TENM2: variants seen among roughly 807,000 people sequenced by gnomAD.
The protein encoded by TENM2 is teneurin-2.
In TENM2, 52 loss-of-function variants were observed where a neutral mutation model predicts 245.2. The observed-to-expected ratio is 0.21, with a 90% confidence interval of 0.17 to 0.27. The LOEUF (loss-of-function observed/expected upper bound fraction) is 0.27. Among genes scored for constraint, TENM2 ranks in the 10% least tolerant of loss-of-function variants. TENM2 has a pLI of 1.00. For missense variants in TENM2, 3,046 were observed against 3,666.8 expected, an observed-to-expected ratio of 0.83 and a Z score of 4.37; for synonymous variants, 1,363 against 1,438.9, an observed-to-expected ratio of 0.95 and a Z score of 1.19.
At chr5:167,875,402 G>A (rs1467972421) in intron 2 of TENM2, among the ~76,000 whole-genome samples, 5 of 152,172 alleles carry the variant, frequency 3.3e-5, no homozygotes, top group Admixed American at 6.5e-5. Context: ...GTGGAAAGTC[G>A]TAAGTGTTAC....
At chr5:167,657,918 A>G (rs976657973) in intron 2 of TENM2, among the ~76,000 whole-genome samples, 2 of 152,194 alleles carry the variant, frequency 1.3e-5, no homozygotes, top group African/African-American at 4.8e-5. Context: ...TTAAAAATGC[A>G]GATGTTTGTG....
At chr5:167,528,315 TGGCTA>T (rs1048234374) in intron 2 of TENM2, among the ~76,000 whole-genome samples, 14 of 152,126 alleles carry the variant, frequency 9.2e-5, no homozygotes, top group South Asian at 6.2e-4. Flanking sequence ...GTGCAATATT[TGGCTA>T]AATATTCTAC....
chr5:167,320,955 A>AAC (rs1554133638), intron 1 of TENM2, among the ~76,000 whole-genome samples: 1 of 151,820 alleles, frequency 6.6e-6, no homozygotes, highest in African/African-American at 2.4e-5. Flanking sequence ...ACAAAAAAAA[A>AAC]CACTAAAATC....
chr5:167,726,210 T>G (rs1582849893), intron 2 of TENM2, among the ~76,000 whole-genome samples: 1 of 151,748 alleles, frequency 6.6e-6, no homozygotes, highest in East Asian at 1.9e-4. Flanking sequence ...GAAAAGGGAG[T>G]TGATAATGCT....
chr5:168,257,647 C>T (rs1340626043), intron 27 of TENM2, among the ~76,000 whole-genome samples: 4 of 144,980 alleles, frequency 2.8e-5, no homozygotes, highest in Non-Finnish European at 6.0e-5. Flanking sequence ...GACGGAGTCT[C>T]ACTCTGTTGC....
At chr5:167,260,489 T>C in the TENM2 span, among the ~76,000 whole-genome samples, 1 of 152,226 alleles carries the variant, frequency 6.6e-6, no homozygotes, top group Non-Finnish European at 1.5e-5. Context: ...AACTGAGGGC[T>C]GGCATTAGAC....
At chr5:167,875,958 C>T (rs550823427) in intron 2 of TENM2, 28 bp from the exon 5 acceptor site, 2 of 1,516,336 alleles carry the variant, frequency 1.3e-6, no homozygotes, top group East Asian at 2.5e-5. Context: ...TCATTGCTGA[C>T]CTTTGACCCC....
chr5:167,025,360 A>T, the TENM2 span, among the ~76,000 whole-genome samples: 1 of 152,194 alleles, frequency 6.6e-6, no homozygotes, highest in South Asian at 2.1e-4. Flanking sequence ...TTTGATATAC[A>T]TTTGGAGTGT....
chr5:167,657,279 A>T (rs180919450), intron 2 of TENM2, among the ~76,000 whole-genome samples: 1 of 152,242 alleles, frequency 6.6e-6, no homozygotes, highest in Non-Finnish European at 1.5e-5. Context: ...AATATCCTTC[A>T]GTTCCACCCA....
At chr5:168,125,551 A>G (rs1355667323) in intron 11 of TENM2, among the ~76,000 whole-genome samples, 2 of 152,122 alleles carry the variant, frequency 1.3e-5, no homozygotes, top group Admixed American at 1.3e-4. Context: ...AAAATGGAAC[A>G]GTTCAACAGT....
chr5:167,323,450 A>G (rs1208634906), intron 1 of TENM2, among the ~76,000 whole-genome samples: 1 of 152,186 alleles, frequency 6.6e-6, no homozygotes, highest in Non-Finnish European at 1.5e-5. Flanking sequence ...GTATATATGT[A>G]TGTGGATATA....
chr5:168,256,397 T>C, intron 27 of TENM2, among the ~76,000 whole-genome samples: 1 of 151,262 alleles, frequency 6.6e-6, no homozygotes, highest in Admixed American at 6.6e-5. Flanking sequence ...GATATTAACG[T>C]ACTTTTTAAG....
At chr5:167,061,054 T>G in the TENM2 span, among the ~76,000 whole-genome samples, 1 of 151,522 alleles carries the variant, frequency 6.6e-6, no homozygotes, top group Non-Finnish European at 1.5e-5. Context: ...AAGAACATTT[T>G]ACTTCTAGGG....
chr5:167,728,613 A>AAATG (rs34768945), intron 2 of TENM2: 25,896 of 149,790 alleles, frequency 0.17, 2,586 homozygotes, highest in East Asian at 0.4. Context: ...ATAAATAAAT[A>AAATG]AATGAATGAA....
intron 3 of TENM2, among the ~76,000 whole-genome samples, chr5:167,923,980 T>G (rs1458504364): frequency 6.6e-6 from 1 of 152,224 alleles, no homozygotes; most frequent in African/African-American, 2.4e-5. Context: ...TGCTTCGCAA[T>G]TGTGCCCGTG....
the TENM2 span, among the ~76,000 whole-genome samples, chr5:167,119,050 C>A: frequency 1.3e-5 from 2 of 152,206 alleles, no homozygotes; most frequent in Non-Finnish European, 2.9e-5. Context: ...TGGGTCACAT[C>A]CCCACTTCAC....
the TENM2 span, among the ~76,000 whole-genome samples, chr5:166,982,948 TAGC>T: frequency 6.6e-6 from 1 of 152,122 alleles, no homozygotes; most frequent in African/African-American, 2.4e-5. Flanking sequence ...TGAGAGCAAA[TAGC>T]AGTTTTGTCA....
At chr5:167,956,347 T>C (rs1447868452) in intron 4 of TENM2, among the ~76,000 whole-genome samples, 1 of 152,244 alleles carries the variant, frequency 6.6e-6, no homozygotes, top group African/African-American at 2.4e-5. Context: ...TTGAAGTTGC[T>C]TATCACCTTA....
In TENM2 at chr5:167,952,261, G is replaced by A. The variant is rs1036397223; in HGVS notation, c.713-327G>A. 331 of 413,282 alleles carry A rather than the reference G, an allele frequency of 8.0e-4. 5 individuals carry two copies. Among genetic ancestry groups the A allele is most frequent in the Admixed American group, 3.5e-4 (9 of 25,642 alleles). 25.6% of individuals were successfully genotyped at this position (413,282 alleles called of 1,614,324 possible). Reference sequence around the variant, plus strand: ...GGGAATAGGGACTTGCTACGCCAGCGATCAGCCTTGAATGTCATGTTACTT... The same window carrying A: ...GGGAATAGGGACTTGCTACGCCAGCAATCAGCCTTGAATGTCATGTTACTT... On this transcript the variant is annotated intron_variant, in intron 3 of 28. Coordinates refer to ENST00000518659, the Ensembl canonical transcript of TENM2.
Sources: gnomAD v4.1 joint callset for allele counts (sites outside exome capture counted in the v4.1 genomes callset) on GRCh38, gnomAD v4.1.1 for gene constraint, MANE v1.5 for transcripts, NCBI Gene and HGNC (gene_info 2026-07-23, HGNC 2026-07-21) for gene names.